NTN1: variants seen among roughly 807,000 people sequenced by gnomAD.
NTN1 encodes netrin 1.
Under a neutral mutation model 54.2 loss-of-function variants are expected in NTN1, and 11 were observed. The ratio of observed to expected loss-of-function variants is 0.20; its 90% CI spans 0.13 to 0.34. The LOEUF (loss-of-function observed/expected upper bound fraction) is 0.34. Among genes scored for constraint, NTN1 ranks in the 10% least tolerant of loss-of-function variants. NTN1 has a pLI of 1.00. For missense variants in NTN1, 740 were observed against 893.1 expected (o/e 0.83, Z 2.18); for synonymous variants, 371 against 382.0 (o/e 0.97, Z 0.33).
At chr17:9,210,635 G>A (rs1000271832) in intron 5 of NTN1, among the ~76,000 whole-genome samples, 27 of 152,098 alleles carry the variant, frequency 1.8e-4, no homozygotes, top group Admixed American at 9.8e-4. Context: ...CACCTCGGCC[G>A]GTCGCTCACA....
In NTN1 at chr17:9,242,452, G is replaced by A. The variant is rs1480126668; in HGVS notation, c.*2484G>A. On this transcript the variant is annotated 3_prime_UTR_variant, in exon 7 of 7. Coordinates refer to ENST00000173229, the MANE Select transcript of NTN1 (RefSeq NM_004822.3). ...TGGTTTCTTCACCCTGCCCAGAAGGGCTGTGGCAGCCCCACGATATCCCAC... is the reference window on the plus strand; with the variant it reads ...TGGTTTCTTCACCCTGCCCAGAAGGACTGTGGCAGCCCCACGATATCCCAC... The A allele has an allele frequency of 6.6e-6, 1 of 152,344 alleles. No homozygotes were observed. The highest frequency in any genetic ancestry group is 1.5e-5 in the Non-Finnish European group (1 of 68,120). The allele number at this position is 152,344 out of a possible 1,614,324, so 9.4% of individuals were successfully genotyped here. A position where few individuals can be genotyped will look rare whatever the true frequency, so the allele number is the denominator to read the frequency against.
At chr17:9,039,258 G>A (rs1436440656) in intron 2 of NTN1, among the ~76,000 whole-genome samples, 1 of 152,112 alleles carries the variant, frequency 6.6e-6, no homozygotes, top group African/African-American at 2.4e-5. Context: ...ATTGGCTTTA[G>A]ATGAGTTTGT....
chr17:9,146,641 C>A lies in NTN1; in HGVS notation c.1019-16172C>A, dbSNP rs926368662. Among the ~76,000 whole-genome samples the A allele has an allele frequency of 2.0e-5, 3 of 152,136 alleles. No homozygotes were observed. In the South Asian group the frequency reaches 6.2e-4, roughly 31 times the overall value. ...TTTAGACACACCCTGGGGCTCCTGG[C>A]AGCCATGCCCTCTGGGTGCTGAGAC... On this transcript the variant is annotated intron_variant, in intron 2 of 6. Transcript: ENST00000173229.
At chr17:9,150,841 GA>G (rs2092325519) in intron 2 of NTN1, among the ~76,000 whole-genome samples, 1 of 152,206 alleles carries the variant, frequency 6.6e-6, no homozygotes, top group Non-Finnish European at 1.5e-5. Context: ...AGATTTGGGG[GA>G]TGGCCCCCGC....
intron 2 of NTN1, among the ~76,000 whole-genome samples, chr17:9,038,256 T>TTG (rs201928331): frequency 2.7e-5 from 4 of 146,476 alleles, no homozygotes; most frequent in African/African-American, 1.0e-4. Context: ...CTCCTCTCTT[T>TTG]CTCTCTCTCC....
chr17:9,097,654 C>CA (rs2092136316), intron 2 of NTN1, among the ~76,000 whole-genome samples: 2 of 151,792 alleles, frequency 1.3e-5, no homozygotes, highest in South Asian at 4.2e-4. Context: ...AAAAAAACCC[C>CA]AAACAGACAA....
chr17:9,193,516 C>T (rs924638025), intron 5 of NTN1, among the ~76,000 whole-genome samples: 1 of 152,210 alleles, frequency 6.6e-6, no homozygotes. Context: ...TTATACCTCA[C>T]AAAATTAACA....
intron 2 of NTN1, among the ~76,000 whole-genome samples, chr17:9,039,614 T>C (rs1159585453): frequency 2.0e-5 from 3 of 152,174 alleles, no homozygotes; most frequent in Admixed American, 6.5e-5. Flanking sequence ...TCAAGATAAA[T>C]AACATATCCA....
At chr17:9,220,766 C>T (rs375384336) in intron 5 of NTN1, among the ~76,000 whole-genome samples, 6 of 152,210 alleles carry the variant, frequency 3.9e-5, no homozygotes, top group African/African-American at 1.2e-4. Flanking sequence ...TGAAAGCCAG[C>T]GCCTGACACA....
At chr17:9,156,619 A>G (rs1169851027) in intron 2 of NTN1, among the ~76,000 whole-genome samples, 2 of 152,230 alleles carry the variant, frequency 1.3e-5, no homozygotes, top group African/African-American at 2.4e-5. Flanking sequence ...ATCAAAAACA[A>G]TGGATGCAGA....
intron 2 of NTN1, among the ~76,000 whole-genome samples, chr17:9,115,392 C>T (rs1368085922): frequency 6.6e-6 from 1 of 152,164 alleles, no homozygotes; most frequent in South Asian, 2.1e-4. Context: ...CAGGGTCTCC[C>T]GGGGGTCTCC....
chr17:9,170,956 C>CTA (rs1555573028), intron 3 of NTN1: 1 of 152,140 alleles, frequency 6.6e-6, no homozygotes, highest in Non-Finnish European at 1.5e-5. Flanking sequence ...TGCAGGAAGA[C>CTA]TATAGTTAAC....
At chr17:9,092,790 G>T (rs945444775) in intron 2 of NTN1, among the ~76,000 whole-genome samples, 7 of 149,850 alleles carry the variant, frequency 4.7e-5, no homozygotes, top group African/African-American at 1.7e-4. Context: ...ACAGAGTCTC[G>T]CTCTGTCGCC....
intron 2 of NTN1, among the ~76,000 whole-genome samples, chr17:9,108,744 T>C (rs923392035): frequency 3.3e-5 from 5 of 152,212 alleles, no homozygotes; most frequent in African/African-American, 1.2e-4. Context: ...GGCTGGCTGG[T>C]GGTCCTTTCT....
intron 2 of NTN1, among the ~76,000 whole-genome samples, chr17:9,153,453 TA>T (rs2092333424): frequency 6.6e-6 from 1 of 151,996 alleles, no homozygotes; most frequent in African/African-American, 2.4e-5. Flanking sequence ...TGTCTCAAAA[TA>T]AAAAGAAACT....
chr17:9,105,160 C>G (rs1039946838), intron 2 of NTN1, among the ~76,000 whole-genome samples: 1 of 152,216 alleles, frequency 6.6e-6, no homozygotes, highest in Admixed American at 6.5e-5. Flanking sequence ...AAGAATGCTG[C>G]CCTCTGACAC....
intron 2 of NTN1, among the ~76,000 whole-genome samples, chr17:9,056,968 A>C (rs62069288): frequency 0.26 from 39,137 of 151,888 alleles, 5,906 homozygotes; most frequent in East Asian, 0.53. Flanking sequence ...TCGTCCCTTC[A>C]ACAGAGGCCC....
At chr17:9,228,478 C>T (rs1905675816) in intron 6 of NTN1, among the ~76,000 whole-genome samples, 1 of 152,148 alleles carries the variant, frequency 6.6e-6, no homozygotes, top group Non-Finnish European at 1.5e-5. Context: ...GGCTCCCATC[C>T]ACGCCCCGAT....
intron 3 of NTN1, among the ~76,000 whole-genome samples, chr17:9,179,321 C>A (rs1251915187): frequency 2.6e-5 from 4 of 152,194 alleles, no homozygotes; most frequent in Non-Finnish European, 5.9e-5. Flanking sequence ...ACCTGGCAAA[C>A]CCCAGAGCTT....
Sources: allele counts gnomAD v4.1 joint callset (sites outside exome capture counted in the v4.1 genomes callset), GRCh38; gene constraint gnomAD v4.1.1; transcripts MANE v1.5; gene names NCBI Gene and HGNC (gene_info 2026-07-23, HGNC 2026-07-21).